The following SPEN variants were observed in gnomAD, a reference collection of about 807,000 sequenced individuals.
SPEN encodes the protein spen family transcriptional repressor.
A neutral mutation model predicts 269.9 loss-of-function variants in SPEN; 18 were observed. The ratio of observed to expected loss-of-function variants is 0.07; its 90% CI spans 0.05 to 0.10. The LOEUF (loss-of-function observed/expected upper bound fraction) is 0.10, where lower values mean the gene tolerates loss of function less well. SPEN is among the 10% of genes least tolerant of loss of function. SPEN has a pLI of 1.00. For missense variants in SPEN, 3,822 were observed against 4,631.2 expected, an observed-to-expected ratio of 0.83 and a Z score of 5.07; for synonymous variants, 1,726 against 1,765.7, an observed-to-expected ratio of 0.98 and a Z score of 0.56.
intron 3 of SPEN, among the ~76,000 whole-genome samples, chr1:15,888,302 T>C (rs1203236424): frequency 6.6e-6 from 1 of 151,202 alleles, no homozygotes; most frequent in Non-Finnish European, 1.5e-5. Flanking sequence ...AAGCAAACTA[T>C]GTAAACTCTT....
chr1:15,903,059 G>A (rs916534415), intron 3 of SPEN, among the ~76,000 whole-genome samples: 1 of 152,102 alleles, frequency 6.6e-6, no homozygotes, highest in African/African-American at 2.4e-5. Flanking sequence ...ACTCTTGTAC[G>A]TTAACAAATA....
In SPEN at chr1:15,938,862, C is replaced by T; in HGVS notation, c.10849C>T (p.Pro3617Ser). ...GGCAGGGATCATCAACGTTCCCAAC[C>T]CTGGCTCCAATCAGGTCGGTTGTCC... is the stretch of plus-strand genomic sequence containing the variant. ...QAAGIINVPN[P>S]GSNQPAYVLQ... Residue 3617 changes from proline (P) to serine (S), a missense_variant, in exon 14 of 15, where the codon CCT (proline) becomes TCT (serine). By Grantham distance (74) the Pro-to-Ser change is moderately conservative (BLOSUM62 -1). This residue lies in a region of SPEN where 103 missense variants were observed against 215.8 expected (regional missense o/e 0.48). Transcript: ENST00000375759. 6.2e-7 allele frequency: 1 copy of T among 1,613,800 alleles called. No homozygotes were observed. The highest frequency in any genetic ancestry group is 8.5e-7 in the Non-Finnish European group (1 of 1,179,906).
chr1:15,932,120 C>G lies in SPEN; in HGVS notation c.5880C>G (p.Ala1960=). 2 of 1,613,862 alleles carry G rather than the reference C, an allele frequency of 1.2e-6. No individual in the cohort carries two copies. The highest frequency in any genetic ancestry group is 1.7e-6 in the Non-Finnish European group (2 of 1,179,974). ...GGCCTCCAAAGACACGCCGGCGAGC[C>G]GATGAAGAGGAGGAGAACGAGGCCA... ...RGRPPKTRRR[A]DEEEENEAKE... The change falls in exon 11 of 15, where the codon GCC becomes GCG. Residue 1960 remains alanine, a synonymous_variant. Transcript: ENST00000375759. The surrounding 1 kb of genome is among the most constrained non-coding windows in gnomAD (Gnocchi z 4.2).
chr1:15,863,093 A>G (rs975922810), intron 1 of SPEN, among the ~76,000 whole-genome samples: 4 of 152,060 alleles, frequency 2.6e-5, no homozygotes, highest in African/African-American at 9.7e-5. Flanking sequence ...CTCAGTGGGT[A>G]ATAAAAGGTA....
At position 15,916,232 on chromosome 1, in the gene SPEN, A is replaced by G. The variant is rs757261307; in HGVS notation, c.1348A>G (p.Thr450Ala). Residue 450 changes from threonine to alanine, a missense_variant, in exon 6 of 15, where the codon ACT becomes GCT. Physicochemically the swap from Thr to Ala is moderately conservative, Grantham distance 58 (BLOSUM62 0). This residue lies in a region of SPEN where 230 missense variants were observed against 426.1 expected (regional missense o/e 0.54). Coordinates refer to ENST00000375759, the MANE Select transcript of SPEN (RefSeq NM_015001.3). ...LFIGNLEKTT[T>A]YHDLRNIFQR... ...TATTGGCAACCTTGAAAAAACCACT[A>G]CTTACCATGACCTTCGCAACATCTT... The G allele has an allele frequency of 3.1e-6, 5 of 1,613,832 alleles. No homozygotes were observed. Among genetic ancestry groups the G allele is most frequent in the East Asian group, 4.5e-5 (2 of 44,866 alleles).
Position 15,932,596 on chromosome 1 carries a change from T to C in SPEN, c.6356T>C (p.Val2119Ala). 6.2e-7 allele frequency: 1 copy of C among 1,604,054 alleles called. No homozygotes were observed. The highest frequency in any genetic ancestry group is 8.5e-7 in the Non-Finnish European group (1 of 1,173,648). ...GAGAGGGAATCTGGGGTGGTGGCAG[T>C]CTCCCCTGAGAAAAGTGAGAGTCCC... ...AGERESGVVA[V>A]SPEKSESPQK... The change falls in exon 11 of 15, where the codon GTC becomes GCC. Residue 2119 changes from valine to alanine, a missense_variant. Val to Ala is a moderately conservative substitution (Grantham distance 64). Around this residue, in one of 16 missense-constraint regions of SPEN, gnomAD observed 727 missense variants for 737.9 expected, o/e 0.99. Transcript: ENST00000375759. This position sits in a 1 kb window ranked among gnomAD's most constrained non-coding sequence, Gnocchi z 4.2.
intron 3 of SPEN, among the ~76,000 whole-genome samples, chr1:15,896,092 A>T (rs1325356133): frequency 6.6e-6 from 1 of 151,728 alleles, no homozygotes; most frequent in Non-Finnish European, 1.5e-5. Context: ...CAGTATTTTA[A>T]TGATTTTTTT....
chr1:15,854,046 C>G (rs1036851754), intron 1 of SPEN, among the ~76,000 whole-genome samples: 4 of 152,104 alleles, frequency 2.6e-5, no homozygotes, highest in African/African-American at 9.7e-5. Context: ...AGTGATCTGC[C>G]TGCCTCTGCC....
intron 1 of SPEN, among the ~76,000 whole-genome samples, chr1:15,872,557 G>A (rs1012850811): frequency 4.7e-5 from 7 of 148,262 alleles, no homozygotes; most frequent in African/African-American, 1.8e-4. Flanking sequence ...CTGAGATTGT[G>A]CCACTGCACT....
Position 15,939,998 on chromosome 1 carries a change from C to G in SPEN, c.*571C>G, listed in dbSNP as rs1232556250. The G allele has an allele frequency of 4.3e-6, 1 of 231,288 alleles. No individual in the cohort carries two copies. The highest frequency in any genetic ancestry group is 8.6e-6 in the Non-Finnish European group (1 of 116,890). 14.3% of individuals were successfully genotyped at this position (231,288 alleles called of 1,614,324 possible). On this transcript the variant is annotated 3_prime_UTR_variant, in exon 15 of 15. Transcript: ENST00000375759. The surrounding 1 kb of genome is among the most constrained non-coding windows in gnomAD (Gnocchi z 4.1). ...CGTCACCTTAATTCTCCTGCTGCCA[C>G]CGTCTTTGATTCACCGGGATGTACA...
chr1:15,864,325 C>T (rs1243067037), intron 1 of SPEN, among the ~76,000 whole-genome samples: 2 of 152,020 alleles, frequency 1.3e-5, no homozygotes, highest in South Asian at 2.1e-4. Context: ...CTTGCCACCA[C>T]GCCTGGCTAA....
chr1:15,932,248 A>C lies in SPEN; in HGVS notation c.6008A>C (p.Glu2003Ala). Reference sequence around the variant, plus strand: ...CCCCAAGGGAAAAAGGGAAAAAATGAACCGAAGGTGGATGCTACACGTCCT... The same window carrying C: ...CCCCAAGGGAAAAAGGGAAAAAATGCACCGAAGGTGGATGCTACACGTCCT... ...GGPQGKKGKN[E>A]PKVDATRPEA... The change falls in exon 11 of 15, where the codon GAA becomes GCA. Residue 2003 changes from glutamate (E) to alanine (A), a missense_variant. By Grantham distance (107) the Glu-to-Ala change is moderately radical. Around this residue, in one of 16 missense-constraint regions of SPEN, gnomAD observed 533 missense variants for 618.8 expected, o/e 0.86. Transcript: ENST00000375759. This position sits in a 1 kb window ranked among gnomAD's most constrained non-coding sequence, Gnocchi z 4.2. The C allele has an allele frequency of 6.2e-7, 1 of 1,611,306 alleles. No homozygotes were observed. The highest frequency in any genetic ancestry group is 8.5e-7 in the Non-Finnish European group (1 of 1,179,106).
chr1:15,905,232 A>G (rs2070944292), intron 3 of SPEN, among the ~76,000 whole-genome samples: 1 of 140,158 alleles, frequency 7.1e-6, no homozygotes, highest in African/African-American at 2.7e-5. Flanking sequence ...TATTTTATTT[A>G]TTTTTCAAGA....
chr1:15,922,702 A>AG (rs540441979), intron 10 of SPEN, among the ~76,000 whole-genome samples: 72 of 152,158 alleles, frequency 4.7e-4, no homozygotes, highest in African/African-American at 1.7e-3. Flanking sequence ...GGCTCACTGC[A>AG]GTCTCTGCCT....
intron 1 of SPEN, among the ~76,000 whole-genome samples, chr1:15,853,100 C>G (rs1232434214): frequency 1.3e-5 from 2 of 152,230 alleles, no homozygotes; most frequent in Non-Finnish European, 1.5e-5. Flanking sequence ...GATCCTCCCA[C>G]CTTGGCCTCC....
chr1:15,900,904 A>T (rs1185406456), intron 3 of SPEN, among the ~76,000 whole-genome samples: 3 of 152,106 alleles, frequency 2.0e-5, no homozygotes, highest in African/African-American at 4.8e-5. Context: ...GACAACAAAA[A>T]TGTTGTAGAA....
chr1:15,864,126 G>A (rs1002161763), intron 1 of SPEN, among the ~76,000 whole-genome samples: 6 of 151,192 alleles, frequency 4.0e-5, no homozygotes, highest in African/African-American at 1.2e-4. Context: ...ACCTAGCTAC[G>A]GTAGTCAACT....
Position 15,847,949 on chromosome 1 carries a change from G to A in SPEN, c.-119G>A. 2.2e-6 allele frequency: 1 copy of A among 464,694 alleles called. No individual in the cohort carries two copies. Among genetic ancestry groups the A allele is most frequent in the Non-Finnish European group, 3.4e-6 (1 of 295,236 alleles). The allele number at this position is 464,694 out of a possible 1,614,324, so 28.8% of individuals were successfully genotyped here. A position where few individuals can be genotyped will look rare whatever the true frequency, so the allele number is the denominator to read the frequency against. On this transcript the variant is annotated 5_prime_UTR_variant, in exon 1 of 15. Transcript: ENST00000375759. The stretch of plus-strand genomic sequence containing the variant: ...AGCCGGAGGAGCCGCCGCCGCTGCC[G>A]ACGCCACCGCCGCAGCCGCCGCCGC...
chr1:15,860,065 C>A (rs1167389144), intron 1 of SPEN, among the ~76,000 whole-genome samples: 2 of 151,436 alleles, frequency 1.3e-5, no homozygotes, highest in African/African-American at 4.9e-5. Context: ...GCGCCCGCCA[C>A]CACACCCGGC....
Sources: allele counts gnomAD v4.1 joint callset (sites outside exome capture counted in the v4.1 genomes callset), GRCh38; gene constraint gnomAD v4.1.1; regional missense constraint gnomAD v4.1.1; non-coding constraint Gnocchi (gnomAD v3.1); transcripts MANE v1.5; gene names NCBI Gene and HGNC (gene_info 2026-07-23, HGNC 2026-07-21).